MRPS35: variants seen among roughly 807,000 people sequenced by gnomAD.
MRPS35 encodes small ribosomal subunit protein mS35.
In MRPS35, 29 loss-of-function variants were observed where a neutral mutation model predicts 32.7. That is an observed-to-expected ratio of 0.89 (90% CI 0.66 to 1.21). The LOEUF is 1.21. Among genes scored for constraint, MRPS35 ranks in the 50% most tolerant of loss-of-function variants. The pLI, the probability that MRPS35 is intolerant of heterozygous loss-of-function variation, is 0.00. For missense variants in MRPS35, 373 were observed against 383.8 expected, an observed-to-expected ratio of 0.97 and a Z score of 0.23; for synonymous variants, 148 against 139.3, an observed-to-expected ratio of 1.06 and a Z score of -0.44.
chr12:27,742,630 A>G (rs186653507), intron 7 of MRPS35, among the ~76,000 whole-genome samples: 1 of 152,318 alleles, frequency 6.6e-6, no homozygotes, highest in African/African-American at 2.4e-5. Flanking sequence ...TAGCCAGGGT[A>G]TAGAACTAAC....
chr12:27,734,352 CT>C (rs571925156), intron 5 of MRPS35, among the ~76,000 whole-genome samples: 113 of 151,490 alleles, frequency 7.5e-4, no homozygotes, highest in African/African-American at 2.6e-3. Flanking sequence ...AAGTGATTCT[CT>C]TGCCTCAGCC....
intron 5 of MRPS35, among the ~76,000 whole-genome samples, chr12:27,724,406 A>G (rs780625308): frequency 6.6e-6 from 1 of 152,094 alleles, no homozygotes; most frequent in Non-Finnish European, 1.5e-5. Context: ...ATGTGTGATT[A>G]TAAAACTGTA....
intron 1 of MRPS35, among the ~76,000 whole-genome samples, chr12:27,713,761 A>G (rs143654932): frequency 2.0e-4 from 31 of 152,236 alleles, no homozygotes; most frequent in African/African-American, 5.1e-4. Flanking sequence ...CCACATGTCT[A>G]TGTATTCCTC....
chr12:27,737,687 A>C lies in MRPS35; in HGVS notation c.702+79A>C, dbSNP rs1591800438. ...ACCTTTCAAAATACTCTTTGTGGCAAGTACTCAACTGAGTATTTTGTGAAC... is the reference window on the plus strand; with the variant it reads ...ACCTTTCAAAATACTCTTTGTGGCACGTACTCAACTGAGTATTTTGTGAAC... On this transcript the variant is annotated intron_variant, in intron 7 of 7. Coordinates refer to ENST00000081029, the MANE Select transcript of MRPS35 (RefSeq NM_021821.4). 34 of 1,140,058 alleles carry C rather than the reference A, an allele frequency of 3.0e-5. No individual in the cohort carries two copies. In the East Asian group the frequency reaches 7.8e-4, roughly 26 times the overall value. The allele number at this position is 1,140,058 out of a possible 1,614,324, so 70.6% of individuals were successfully genotyped here.
In MRPS35 at chr12:27,714,798, A is replaced by G. The variant is rs774641669; in HGVS notation, c.131A>G (p.Asn44Ser). ...TPSLPERTPG[N>S]ERPPRRKALP... ...CGTACAGCGGAAAGAACACCCGGAA[A>G]TGAAAGGCCACCAAGAAGAAAGGTA... is the stretch of plus-strand genomic sequence containing the variant. The change falls in exon 2 of 8, where the codon AAT becomes AGT. Residue 44 changes from asparagine to serine, a missense_variant. Transcript: ENST00000081029. 7.4e-5 allele frequency: 120 copies of G among 1,610,888 alleles called. No homozygotes were observed. Among genetic ancestry groups the G allele is most frequent in the Admixed American group, 3.2e-4 (19 of 59,846 alleles).
intron 5 of MRPS35, among the ~76,000 whole-genome samples, chr12:27,730,277 T>C (rs2061916551): frequency 6.6e-6 from 1 of 152,216 alleles, no homozygotes; most frequent in South Asian, 2.1e-4. Flanking sequence ...ATCTTGGGTG[T>C]GATGTTTCTC....
At chr12:27,714,075 CAAAAAAAAAAAAA>C (rs34481044) in intron 1 of MRPS35, among the ~76,000 whole-genome samples, 2 of 78,598 alleles carry the variant, frequency 2.5e-5, no homozygotes, top group Non-Finnish European at 5.5e-5. Context: ...GACCTTGTCT[CAAAAAAAAAAAAA>C]AAAAAAGAAA....
At chr12:27,747,406 ATTGCATTCAGTAAAT>A (rs1464901008) in intron 7 of MRPS35, among the ~76,000 whole-genome samples, 1 of 152,180 alleles carries the variant, frequency 6.6e-6, no homozygotes, top group African/African-American at 2.4e-5. Context: ...TCATCTTTAT[ATTGCATTCAGTAAAT>A]TTGCATTCAG....
Position 27,735,488 on chromosome 12 carries a change from G to A in MRPS35, c.564G>A (p.Lys188=). The change falls in exon 6 of 8, where the codon AAG becomes AAA. Residue 188 remains lysine, a synonymous_variant. Transcript: ENST00000081029. ...SSLNLDDHAK[K]KLIKLVGERY... ...TGAATTTAGATGATCACGCAAAGAA[G>A]AAATTAATTAAACTTGTAGGAGAGC... The A allele has an allele frequency of 1.2e-6, 2 of 1,611,638 alleles. No individual in the cohort carries two copies. Among genetic ancestry groups the A allele is most frequent in the Non-Finnish European group, 1.7e-6 (2 of 1,179,154 alleles).
chr12:27,710,859 C>A lies in MRPS35; in HGVS notation c.16C>A (p.Leu6Ile), dbSNP rs35475802. 7,323 of 1,608,568 alleles carry A rather than the reference C, an allele frequency of 4.6e-3. 294 individuals carry two copies. The African/African-American group carries it at 0.086, about 19-fold the overall frequency. MAAAA[L>I]PAWLSLQSRA... Reference sequence around the variant, plus strand: ...CCTCGCAGCCATGGCGGCCGCCGCGCTCCCAGCATGGCTGTCTCTGCAGTC... The same window carrying A: ...CCTCGCAGCCATGGCGGCCGCCGCGATCCCAGCATGGCTGTCTCTGCAGTC... The change falls in exon 1 of 8, where the codon CTC becomes ATC. Residue 6 changes from leucine to isoleucine, a missense_variant. By Grantham distance (5) the Leu-to-Ile change is conservative (BLOSUM62 2). Transcript: ENST00000081029.
intron 5 of MRPS35, among the ~76,000 whole-genome samples, chr12:27,729,543 G>T (rs2061913347): frequency 6.6e-6 from 1 of 151,974 alleles, no homozygotes; most frequent in South Asian, 2.1e-4. Flanking sequence ...TCAAGTATGA[G>T]GTAGGATTTC....
chr12:27,711,056 G>A (rs950585984), intron 1 of MRPS35, 101 bp downstream of exon 1: 2 of 1,098,296 alleles, frequency 1.8e-6, no homozygotes, highest in African/African-American at 3.1e-5. Flanking sequence ...CGCCGCCCGG[G>A]GGAGGCCAGT....
At chr12:27,735,580 A>G (rs755232641) in intron 6 of MRPS35, 24 bp downstream of exon 6, 2 of 1,544,134 alleles carry the variant, frequency 1.3e-6, no homozygotes, top group South Asian at 1.1e-5. Context: ...TGTTCAGCCG[A>G]CTGGTCACGT....
chr12:27,747,736 C>A (rs1026871206), intron 7 of MRPS35, among the ~76,000 whole-genome samples: 2 of 152,096 alleles, frequency 1.3e-5, no homozygotes, highest in Admixed American at 1.3e-4. Context: ...GCAGATATTT[C>A]TTTGCCTTCT....
At chr12:27,723,942 T>A in intron 4 of MRPS35, 105 bp from the exon 5 acceptor site, 1 of 1,096,954 alleles carries the variant, frequency 9.1e-7, no homozygotes, top group Non-Finnish European at 1.3e-6. Context: ...TGTTCTTTCA[T>A]GTAACTTGGT....
chr12:27,723,441 T>C (rs1446111504), intron 4 of MRPS35, among the ~76,000 whole-genome samples: 2 of 152,180 alleles, frequency 1.3e-5, no homozygotes, highest in African/African-American at 4.8e-5. Flanking sequence ...CTTTCTTCTT[T>C]CCATTTAACC....
At chr12:27,747,675 G>C (rs2061985915) in intron 7 of MRPS35, among the ~76,000 whole-genome samples, 1 of 152,182 alleles carries the variant, frequency 6.6e-6, no homozygotes, top group African/African-American at 2.4e-5. Context: ...CCTAGGCAAA[G>C]AGAGTTGTAA....
chr12:27,745,800 G>A (rs1297089429), intron 7 of MRPS35, among the ~76,000 whole-genome samples: 1 of 151,602 alleles, frequency 6.6e-6, no homozygotes, highest in Non-Finnish European at 1.5e-5. Flanking sequence ...CCACCTATGA[G>A]TGAGAACATG....
In MRPS35 at chr12:27,719,914, T is replaced by C. The variant is rs1225225346; in HGVS notation, c.382+46T>C. 4 of 1,338,242 alleles carry C rather than the reference T, an allele frequency of 3.0e-6. No individual in the cohort carries two copies. In the Admixed American group the frequency reaches 5.4e-5, roughly 18 times the overall value. The allele number at this position is 1,338,242 out of a possible 1,614,324, so 82.9% of individuals were successfully genotyped here. A position where few individuals can be genotyped will look rare whatever the true frequency, so the allele number is the denominator to read the frequency against. The stretch of plus-strand genomic sequence containing the variant: ...ATGAATTTTATATTGACTTTGAACA[T>C]AAATTTAAGAATCTCTGTTCTGATA... On this transcript the variant is annotated intron_variant, in intron 4 of 7. Transcript: ENST00000081029.
Sources: gnomAD v4.1 joint callset for allele counts (sites outside exome capture counted in the v4.1 genomes callset) on GRCh38, gnomAD v4.1.1 for gene constraint, MANE v1.5 for transcripts, NCBI Gene and HGNC (gene_info 2026-07-23, HGNC 2026-07-21) for gene names.